The following CTNNA2 variants were observed in gnomAD, a reference collection of about 807,000 sequenced individuals.
CTNNA2 encodes the protein catenin alpha 2, also known as catenin alpha-2.
CTNNA2 carries 42 observed loss-of-function variants against 101.0 expected under a neutral mutation model. The observed-to-expected ratio is 0.42, with a 90% CI of 0.32 to 0.54. The LOEUF (loss-of-function observed/expected upper bound fraction) is 0.54, where lower values mean the gene tolerates loss of function less well. Ranked by LOEUF, CTNNA2 falls within the 20% of genes least tolerant of loss-of-function variation. The pLI is 0.14. For synonymous variants in CTNNA2, 450 were observed against 456.4 expected (o/e 0.99, Z 0.18); for missense variants, 871 against 1,223.1 (o/e 0.71, Z 4.29).
chr2:80,285,797 C>T (rs1674715050), intron 7 of CTNNA2, among the ~76,000 whole-genome samples: 1 of 152,192 alleles, frequency 6.6e-6, no homozygotes, highest in South Asian at 2.1e-4. Flanking sequence ...AGCAACATTT[C>T]AGCCACTGCT....
At chr2:80,212,136 C>T (rs1022536092) in intron 7 of CTNNA2, among the ~76,000 whole-genome samples, 1 of 152,138 alleles carries the variant, frequency 6.6e-6, no homozygotes, top group African/African-American at 2.4e-5. Flanking sequence ...ATGGGGTTTT[C>T]TAGATATACA....
At chr2:80,392,831 A>C (rs1210767143) in intron 7 of CTNNA2, among the ~76,000 whole-genome samples, 1 of 152,200 alleles carries the variant, frequency 6.6e-6, no homozygotes, top group African/African-American at 2.4e-5. Flanking sequence ...TTATTATCTC[A>C]GTTATCTTCT....
At position 79,721,870 on chromosome 2, in the gene CTNNA2, T is replaced by C. The variant is rs955281974; in HGVS notation, c.103-22517T>C. On this transcript the variant is annotated intron_variant, in intron 2 of 18. Coordinates refer to ENST00000402739, the MANE Select transcript of CTNNA2 (RefSeq NM_001282597.3). Reference sequence around the variant, plus strand: ...AAATCTGAAACAATAGCAATGTTTTTGAAAATGTATTATGTAATACAGTGG... The same window carrying C: ...AAATCTGAAACAATAGCAATGTTTTCGAAAATGTATTATGTAATACAGTGG... 3.3e-4 allele frequency among the ~76,000 whole-genome samples: 50 copies of C among 152,236 alleles called. 1 individual carries two copies. Among genetic ancestry groups the C allele is most frequent in the South Asian group, 2.1e-4 (1 of 4,836 alleles).
intron 7 of CTNNA2, among the ~76,000 whole-genome samples, chr2:80,331,341 T>C (rs1362360818): frequency 1.3e-5 from 2 of 152,218 alleles, no homozygotes; most frequent in Non-Finnish European, 2.9e-5. Flanking sequence ...TTTAATGCCA[T>C]CCAAGCGTAT....
intron 7 of CTNNA2, among the ~76,000 whole-genome samples, chr2:80,110,526 T>C (rs1701150546): frequency 6.6e-6 from 1 of 152,116 alleles, no homozygotes; most frequent in African/African-American, 2.4e-5. Flanking sequence ...CTATGAGAAT[T>C]AATTAGCTAA....
intron 2 of CTNNA2, among the ~76,000 whole-genome samples, chr2:79,688,463 A>AAT (rs1270586457): frequency 2.6e-5 from 4 of 152,062 alleles, no homozygotes; most frequent in Middle Eastern, 3.4e-3. Context: ...GGAAATTAAA[A>AAT]ATATATATAT....
intron 2 of CTNNA2, among the ~76,000 whole-genome samples, chr2:79,237,083 T>G (rs1433368320): frequency 6.6e-6 from 1 of 152,224 alleles, no homozygotes; most frequent in Admixed American, 6.5e-5. Flanking sequence ...GAGAAATCAC[T>G]ATCTATGGCA....
intron 1 of CTNNA2, among the ~76,000 whole-genome samples, chr2:79,193,596 C>A (rs921046299): frequency 2.0e-5 from 3 of 152,118 alleles, no homozygotes; most frequent in African/African-American, 7.2e-5. Flanking sequence ...AATATTAAGT[C>A]ATGTATGACT....
chr2:80,621,271 G>T (rs1172603636), intron 18 of CTNNA2, among the ~76,000 whole-genome samples: 1 of 151,812 alleles, frequency 6.6e-6, no homozygotes, highest in Non-Finnish European at 1.5e-5. Flanking sequence ...TGAAGAAATG[G>T]TTTATGAGAA....
intron 1 of CTNNA2, among the ~76,000 whole-genome samples, chr2:79,532,567 A>G (rs1672810405): frequency 2.0e-5 from 3 of 152,122 alleles, no homozygotes; most frequent in African/African-American, 7.2e-5. Flanking sequence ...ATCATTGGCT[A>G]TTATTGACAA....
At chr2:80,306,791 G>A (rs1279399948) in intron 7 of CTNNA2, among the ~76,000 whole-genome samples, 6 of 145,542 alleles carry the variant, frequency 4.1e-5, no homozygotes, top group African/African-American at 8.0e-5. Context: ...CCCTAGGGTT[G>A]CTAGGAAAAA....
intron 1 of CTNNA2, among the ~76,000 whole-genome samples, chr2:79,595,316 C>T (rs1164498415): frequency 2.6e-5 from 4 of 152,116 alleles, no homozygotes; most frequent in Admixed American, 6.6e-5. Context: ...AATCTATTCC[C>T]GTGATTTATC....
At chr2:79,613,526 G>T (rs28595611) in intron 1 of CTNNA2, among the ~76,000 whole-genome samples, 4 of 152,002 alleles carry the variant, frequency 2.6e-5, no homozygotes, top group Non-Finnish European at 4.4e-5. Flanking sequence ...TTCTCTTTCA[G>T]ATAATGAATT....
At chr2:79,726,161 A>G (rs141284599) in intron 2 of CTNNA2, among the ~76,000 whole-genome samples, 189 of 152,292 alleles carry the variant, frequency 1.2e-3, no homozygotes, top group African/African-American at 4.2e-3. Context: ...AAAACACTGA[A>G]ATGGACTTCT....
At chr2:79,215,526 A>G (rs981101686) in intron 2 of CTNNA2, among the ~76,000 whole-genome samples, 2 of 152,162 alleles carry the variant, frequency 1.3e-5, no homozygotes, top group Non-Finnish European at 2.9e-5. Flanking sequence ...ATTTAATGTC[A>G]GGAGCAGATT....
chr2:79,699,951 T>A (rs1292807446), intron 2 of CTNNA2, among the ~76,000 whole-genome samples: 1 of 148,822 alleles, frequency 6.7e-6, no homozygotes, highest in Admixed American at 6.7e-5. Flanking sequence ...ATATCACATA[T>A]TTTTTATATA....
At chr2:80,024,678 G>A (rs1694823993) in intron 7 of CTNNA2, among the ~76,000 whole-genome samples, 1 of 152,206 alleles carries the variant, frequency 6.6e-6, no homozygotes, top group African/African-American at 2.4e-5. Context: ...GTCCAACTGT[G>A]TTGCAATGCT....
rs188724966 is a variant in CTNNA2, at chr2:79,570,808, G to A, written c.-6+57601G>A. Reference sequence around the variant, plus strand: ...AGCTCTTTTCTATGGCATGAAATATGTAGATTAAATGTCATACAGAGTTAC... The same window carrying A: ...AGCTCTTTTCTATGGCATGAAATATATAGATTAAATGTCATACAGAGTTAC... On this transcript the variant is annotated intron_variant, in intron 1 of 18. Coordinates refer to ENST00000402739, the MANE Select transcript of CTNNA2 (RefSeq NM_001282597.3). Among the ~76,000 whole-genome samples the A allele has an allele frequency of 1.1e-3, 172 of 152,198 alleles. 1 individual carries two copies. Among genetic ancestry groups the A allele is most frequent in the African/African-American group, 3.9e-3 (162 of 41,534 alleles).
At chr2:79,307,164 C>T (rs1676266473) in intron 2 of CTNNA2, among the ~76,000 whole-genome samples, 1 of 152,102 alleles carries the variant, frequency 6.6e-6, no homozygotes, top group Non-Finnish European at 1.5e-5. Flanking sequence ...TAGTTTGATA[C>T]ATATAATGTA....
Sources: gnomAD v4.1 joint callset for allele counts (sites outside exome capture counted in the v4.1 genomes callset) on GRCh38, gnomAD v4.1.1 for gene constraint, MANE v1.5 for transcripts, NCBI Gene and HGNC (gene_info 2026-07-23, HGNC 2026-07-21) for gene names.